The following HK1 variants were observed in gnomAD, a reference collection of about 807,000 sequenced individuals.
The protein encoded by HK1 is hexokinase-1.
In HK1, 28 loss-of-function variants were observed where a neutral mutation model predicts 91.6. That is an observed-to-expected ratio of 0.31 (90% CI 0.23 to 0.42). HK1 has a LOEUF of 0.42. Among genes scored for constraint, HK1 ranks in the 10% least tolerant of loss-of-function variants. The pLI, the probability that HK1 is intolerant of heterozygous loss-of-function variation, is 1.00. For synonymous variants in HK1, 430 were observed against 468.1 expected (o/e 0.92, Z 1.05); for missense variants, 770 against 1,219.8 (o/e 0.63, Z 5.49).
intron 4 of HK1, chr10:69,300,366 A>G (rs1845797599): frequency 6.1e-6 from 3 of 495,320 alleles, no homozygotes; most frequent in Admixed American, 3.4e-5. Context: ...GGTTATTCCT[A>G]TGTAATTTTG....
intron 4 of HK1, among the ~76,000 whole-genome samples, chr10:69,299,292 C>CAAG: frequency 6.6e-6 from 1 of 151,710 alleles, no homozygotes; most frequent in African/African-American, 2.4e-5. Flanking sequence ...CCCACCTGGT[C>CAAG]TCCCAAGTAG....
rs376636051 is a variant in HK1 at position 69,322,957 on chromosome 10, G to A, written c.63+3947G>A. The stretch of plus-strand genomic sequence containing the variant: ...AGAGAGGTGATAGTTAGAAAATTGT[G>A]AAAAATCTGGCTGGGCACAGTGGCT... On this transcript the variant is annotated intron_variant, in intron 1 of 17. Coordinates refer to ENST00000359426, the MANE Select transcript of HK1 (RefSeq NM_000188.3). Among the ~76,000 whole-genome samples the A allele has an allele frequency of 5.2e-4, 76 of 146,166 alleles. 1 individual carries two copies. In the South Asian group the frequency reaches 0.016, roughly 30 times the overall value.
chr10:69,358,330 C>T (rs868592621), intron 2 of HK1, among the ~76,000 whole-genome samples: 15 of 152,182 alleles, frequency 9.9e-5, no homozygotes, highest in African/African-American at 3.1e-4. Flanking sequence ...CTTTGCTGTC[C>T]GATGGTCTCA....
At chr10:69,376,538 C>G (rs1839117431) in intron 7 of HK1, among the ~76,000 whole-genome samples, 1 of 152,106 alleles carries the variant, frequency 6.6e-6, no homozygotes, top group Non-Finnish European at 1.5e-5. Context: ...TACATACGTA[C>G]ATACATAAAG....
intron 1 of HK1, among the ~76,000 whole-genome samples, chr10:69,335,232 GC>G: frequency 6.6e-6 from 1 of 152,232 alleles, no homozygotes; most frequent in Non-Finnish European, 1.5e-5. Context: ...GGAGTCCGGG[GC>G]TGCTGGGCGG....
chr10:69,288,811 C>G lies in HK1; in HGVS notation c.-115+41C>G, dbSNP rs561533880. ...TCTTTCTTTCTTTCTTTTTTTGAGA[C>G]GTTTTTGTTCCATCGCCCAGGCTGG... On this transcript the variant is annotated intron_variant, in intron 3 of 21. Transcript: ENST00000360289. The G allele has an allele frequency of 5.1e-6, 8 of 1,566,514 alleles. No homozygotes were observed. The South Asian group carries it at 7.8e-5, about 15-fold the overall frequency.
upstream of HK1, among the ~76,000 whole-genome samples, chr10:69,317,723 T>C (rs1165617710): frequency 1.3e-5 from 2 of 152,198 alleles, no homozygotes; most frequent in Non-Finnish European, 2.9e-5. Context: ...TTCCTGGCTG[T>C]ATAAAGTCCA....
intron 1 of HK1, chr10:69,270,137 A>G (rs1844081112): frequency 6.6e-6 from 1 of 152,146 alleles, no homozygotes; most frequent in Non-Finnish European, 1.5e-5. Flanking sequence ...AACTCCAAAG[A>G]CTATTTTTCT....
chr10:69,287,346 G>GC (rs1436861955), intron 2 of HK1, among the ~76,000 whole-genome samples: 3 of 130,250 alleles, frequency 2.3e-5, no homozygotes, highest in East Asian at 5.5e-4. Context: ...AAGAACAGCA[G>GC]GGGGGGAACC....
intron 2 of HK1, among the ~76,000 whole-genome samples, chr10:69,352,962 C>A (rs562937001): frequency 6.6e-6 from 1 of 152,084 alleles, no homozygotes; most frequent in South Asian, 2.1e-4. Flanking sequence ...TGGTCTCTGC[C>A]CCTAGTCTCT....
intron 2 of HK1, among the ~76,000 whole-genome samples, chr10:69,286,234 A>G (rs1350066365): frequency 1.3e-5 from 2 of 152,192 alleles, no homozygotes; most frequent in Admixed American, 6.5e-5. Context: ...ACAGTGGCTG[A>G]CACCTGTAAT....
intron 3 of HK1, chr10:69,288,850 G>A (rs1053349089): frequency 6.7e-6 from 8 of 1,202,376 alleles, no homozygotes; most frequent in Admixed American, 1.9e-5. Flanking sequence ...GTAGTGGCGC[G>A]ATCTCGGCTC....
chr10:69,303,103 G>A (rs935198803), intron 5 of HK1, among the ~76,000 whole-genome samples: 2 of 151,964 alleles, frequency 1.3e-5, no homozygotes, highest in Admixed American at 1.3e-4. Flanking sequence ...GATTTGGCTG[G>A]CAGTAACAGA....
At chr10:69,296,773 T>C (rs1845583976) in intron 4 of HK1, among the ~76,000 whole-genome samples, 1 of 152,164 alleles carries the variant, frequency 6.6e-6, no homozygotes, top group African/African-American at 2.4e-5. Flanking sequence ...TGGATGGGAC[T>C]GGGATTGGTT....
intron 3 of HK1, 134 bp from the exon 4 acceptor site, chr10:69,364,649 G>C (rs1487627212): frequency 5.3e-6 from 6 of 1,128,354 alleles, no homozygotes; most frequent in Admixed American, 1.8e-5. Context: ...AGGGCCACCA[G>C]GTCCCAGGAG....
At chr10:69,359,817 C>G in intron 2 of HK1, 80 bp from the exon 3 acceptor site, 4 of 1,398,156 alleles carry the variant, frequency 2.9e-6, no homozygotes, top group Non-Finnish European at 4.1e-6. Flanking sequence ...AGGGCCTACG[C>G]CCTGCCAGGA....
At chr10:69,351,819 C>T (rs1848890868) in intron 2 of HK1, among the ~76,000 whole-genome samples, 1 of 152,114 alleles carries the variant, frequency 6.6e-6, no homozygotes, top group Non-Finnish European at 1.5e-5. Flanking sequence ...ACAGTACTGA[C>T]TTCATAGGGT....
At chr10:69,396,270 CA>C (rs1307475339) in intron 16 of HK1, among the ~76,000 whole-genome samples, 6,000 of 62,680 alleles carry the variant, frequency 0.096, 247 homozygotes, top group African/African-American at 0.24. Context: ...GACTCTGTCT[CA>C]AAAAAAAAAA....
chr10:69,355,307 A>G (rs1849074696), intron 2 of HK1, among the ~76,000 whole-genome samples: 1 of 152,228 alleles, frequency 6.6e-6, no homozygotes, highest in South Asian at 2.1e-4. Context: ...AGCAAACCTT[A>G]TTTTGTGTTG....
Sources: gnomAD v4.1 joint callset for allele counts (sites outside exome capture counted in the v4.1 genomes callset) on GRCh38, gnomAD v4.1.1 for gene constraint, MANE v1.5 for transcripts, NCBI Gene and HGNC (gene_info 2026-07-23, HGNC 2026-07-21) for gene names.